KIAA1191: variants seen among roughly 807,000 people sequenced by gnomAD.
KIAA1191 encodes the protein putative monooxygenase p33MONOX.
A neutral mutation model predicts 31.1 loss-of-function variants in KIAA1191; 22 were observed. That is an observed-to-expected ratio of 0.71 (90% CI 0.51 to 1.01). The LOEUF (loss-of-function observed/expected upper bound fraction) is 1.01, where lower values mean the gene tolerates loss of function less well. KIAA1191 is among the 50% of genes least tolerant of loss of function. The pLI is 0.00. For missense variants in KIAA1191, 319 were observed against 388.0 expected (o/e 0.82, Z 1.49); for synonymous variants, 130 against 143.9 (o/e 0.90, Z 0.69).
At chr5:176,359,426 GC>G in intron 3 of KIAA1191, 54 bp downstream of exon 3, 1 of 1,546,638 alleles carries the variant, frequency 6.5e-7, no homozygotes, top group Non-Finnish European at 8.9e-7. Context: ...TTTCTGTCTA[GC>G]TTAAAACATT....
chr5:176,359,610 C>G, intron 2 of KIAA1191, 43 bp from the exon 3 acceptor site: 1 of 910,872 alleles, frequency 1.1e-6, no homozygotes, highest in South Asian at 1.3e-5. Context: ...TGAGCAGCAC[C>G]AATGCTGTTC....
rs1170280546 is a variant in KIAA1191 at position 176,355,142 on chromosome 5, A to G, written c.207+429T>C. 6.6e-6 allele frequency among the ~76,000 whole-genome samples: 1 copy of G among 152,150 alleles called. No homozygotes were observed. The highest frequency in any genetic ancestry group is 1.5e-5 in the Non-Finnish European group (1 of 68,034). ...GAGATGCAGGCAGGACTTAGATCAC[A>G]TGGACTGTGGATCATGCTGAGCTTG... is the stretch of plus-strand genomic sequence containing the variant. On this transcript the variant is annotated intron_variant, in intron 4 of 8. Coordinates refer to ENST00000298569, the MANE Select transcript of KIAA1191 (RefSeq NM_020444.5). The surrounding 1 kb of genome is among the most constrained non-coding windows in gnomAD (Gnocchi z 4.2).
rs1476820359 is a variant in KIAA1191, at chr5:176,347,322, CT to C, written c.*277del. The C allele has an allele frequency of 4.9e-6, 1 of 203,360 alleles. No homozygotes were observed. The highest frequency in any genetic ancestry group is 2.3e-5 in the African/African-American group (1 of 43,440). 12.6% of individuals were successfully genotyped at this position (203,360 alleles called of 1,614,324 possible). The stretch of plus-strand genomic sequence containing the variant: ...GTTCAGGCGATTCTCCTGCCTCAGC[CT>C]CCCAAGTAGCTGGGACTACAGGCGC... On this transcript the variant is annotated 3_prime_UTR_variant, in exon 9 of 9. Transcript: ENST00000298569.
rs552253246 is a variant in KIAA1191 at position 176,355,360 on chromosome 5, C to G, written c.207+211G>C. Reference sequence around the variant, plus strand: ...CAATTCATCCATGCGAACAACACCTCGGGTAACCCTAAAGCTACTGATTTT... The same window carrying G: ...CAATTCATCCATGCGAACAACACCTGGGGTAACCCTAAAGCTACTGATTTT... On this transcript the variant is annotated intron_variant, in intron 4 of 8. Coordinates refer to ENST00000298569, the MANE Select transcript of KIAA1191 (RefSeq NM_020444.5). This position sits in a 1 kb window ranked among gnomAD's most constrained non-coding sequence, Gnocchi z 4.2. Among the ~76,000 whole-genome samples the G allele has an allele frequency of 1.3e-5, 2 of 151,706 alleles. No homozygotes were observed. Among genetic ancestry groups the G allele is most frequent in the Admixed American group, 1.3e-4 (2 of 15,234 alleles).
intron 5 of KIAA1191, 75 bp from the exon 6 acceptor site, chr5:176,350,812 T>C (rs1231121476): frequency 3.9e-6 from 6 of 1,556,722 alleles, no homozygotes; most frequent in African/African-American, 2.7e-5. Flanking sequence ...CATGGATATC[T>C]ACTATTCTCC....
At chr5:176,351,022 C>T (rs1457363114) in intron 5 of KIAA1191, among the ~76,000 whole-genome samples, 2 of 152,130 alleles carry the variant, frequency 1.3e-5, no homozygotes, top group Non-Finnish European at 2.9e-5. Context: ...CTTAGTTGTA[C>T]ATGGTGACAT....
Position 176,347,919 on chromosome 5 carries a change from A to G in KIAA1191, c.709+2T>C. 6.2e-7 allele frequency: 1 copy of G among 1,614,094 alleles called. No individual in the cohort carries two copies. Among genetic ancestry groups the G allele is most frequent in the Non-Finnish European group, 8.5e-7 (1 of 1,180,006 alleles). ...CTCTCTTTTTTGAAGGTGCTGCCTT[A>G]CCAGAATCGTACTTCTGAAGGGATC... On this transcript the variant is annotated splice_donor_variant, in intron 8 of 8. Transcript: ENST00000298569. LOFTEE classifies it high-confidence loss of function.
Position 176,355,770 on chromosome 5 carries a change from C to A in KIAA1191, c.29-21G>T. The A allele has an allele frequency of 6.2e-7, 1 of 1,612,824 alleles. No homozygotes were observed. Among genetic ancestry groups the A allele is most frequent in the South Asian group, 1.1e-5 (1 of 90,970 alleles). ...AAGAGCTAAGAACAGAGACACCTGT[C>A]AAGACAGGTTCAGCAACTGGACATA... On this transcript the variant is annotated intron_variant, in intron 3 of 8. Transcript: ENST00000298569. This position sits in a 1 kb window ranked among gnomAD's most constrained non-coding sequence, Gnocchi z 4.2.
chr5:176,348,772 TCCAAG>T (rs1326269515), intron 6 of KIAA1191, among the ~76,000 whole-genome samples: 1 of 151,986 alleles, frequency 6.6e-6, no homozygotes, highest in African/African-American at 2.4e-5. Context: ...CCTCAGTCTC[TCCAAG>T]CCAATACTCA....
At chr5:176,348,224 T>G (rs763565300) in intron 7 of KIAA1191, 26 bp downstream of exon 7, 1 of 1,609,178 alleles carries the variant, frequency 6.2e-7, no homozygotes, top group South Asian at 1.1e-5. Flanking sequence ...ACGCAGGAAC[T>G]CGGAAGGGTC....
intron 6 of KIAA1191, among the ~76,000 whole-genome samples, chr5:176,349,768 G>C (rs1766830193): frequency 6.6e-6 from 1 of 152,084 alleles, no homozygotes; most frequent in African/African-American, 2.4e-5. Context: ...CCTGCGTCGT[G>C]TGCTCTCCTC....
Position 176,350,594 on chromosome 5 carries a change from A to G in KIAA1191, c.459+19T>C. Reference sequence around the variant, plus strand: ...TGAACACTGAAGGTTTTGTTTTTTCAAAGTTCCTAAGAGCTTACGTGGAGT... The same window carrying G: ...TGAACACTGAAGGTTTTGTTTTTTCGAAGTTCCTAAGAGCTTACGTGGAGT... On this transcript the variant is annotated intron_variant, in intron 6 of 8. Transcript: ENST00000298569. The G allele has an allele frequency of 1.2e-6, 2 of 1,607,410 alleles. No homozygotes were observed. The highest frequency in any genetic ancestry group is 1.7e-6 in the Non-Finnish European group (2 of 1,178,326).
In KIAA1191 at chr5:176,347,556, G is replaced by T. The variant is rs1023692658; in HGVS notation, c.*44C>A. 14 of 1,387,248 alleles carry T rather than the reference G, an allele frequency of 1.0e-5. No homozygotes were observed. Among genetic ancestry groups the T allele is most frequent in the Non-Finnish European group, 1.3e-5 (14 of 1,039,630 alleles). 85.9% of individuals were successfully genotyped at this position (1,387,248 alleles called of 1,614,324 possible). The stretch of plus-strand genomic sequence containing the variant: ...TCAAAGCCAAGGTAAAAGGGGAGTG[G>T]GATGCAAGAAACCACCTTTACCAGA... On this transcript the variant is annotated 3_prime_UTR_variant, in exon 9 of 9. Transcript: ENST00000298569.
rs1767191323 is a variant in KIAA1191, at chr5:176,353,170, G to A, written c.208-422C>T. ...CCTGTGCCAGCCATTAGAACAGACT[G>A]CCGGGCTCCACCTCAGAGTTTGATT... is the stretch of plus-strand genomic sequence containing the variant. On this transcript the variant is annotated intron_variant, in intron 4 of 8. Transcript: ENST00000298569. The A allele has an allele frequency of 1.9e-5, 3 of 154,780 alleles. 1 individual carries two copies. In the South Asian group the frequency reaches 5.9e-4, roughly 31 times the overall value. The allele number at this position is 154,780 out of a possible 1,614,324, so 9.6% of individuals were successfully genotyped here.
intron 8 of KIAA1191, 41 bp from the exon 9 acceptor site, chr5:176,347,849 T>C (rs948041934): frequency 6.2e-7 from 1 of 1,606,442 alleles, no homozygotes; most frequent in East Asian, 2.2e-5. Context: ...TCAAAACCAG[T>C]AAACAGCTCC....
chr5:176,360,319 G>A (rs1202218988), intron 1 of KIAA1191, among the ~76,000 whole-genome samples: 2 of 151,754 alleles, frequency 1.3e-5, no homozygotes, highest in African/African-American at 2.4e-5. Context: ...ACCACGCCTG[G>A]CTAATTTTTT....
chr5:176,355,891 T>C lies in KIAA1191; in HGVS notation c.29-142A>G. The C allele has an allele frequency of 1.3e-6, 1 of 793,272 alleles. No homozygotes were observed. The highest frequency in any genetic ancestry group is 2.1e-6 in the Non-Finnish European group (1 of 479,076). The allele number at this position is 793,272 out of a possible 1,614,324, so 49.1% of individuals were successfully genotyped here. ...GCTTGTTTTGGAGTAGCTAATCCCA[T>C]CCAGGAAAGGCAGTGGTACCAATCC... On this transcript the variant is annotated intron_variant, in intron 3 of 8. Transcript: ENST00000298569. The surrounding 1 kb of genome is among the most constrained non-coding windows in gnomAD (Gnocchi z 4.2).
intron 4 of KIAA1191, chr5:176,353,713 C>G (rs1767245046): frequency 6.6e-6 from 1 of 152,184 alleles, no homozygotes; most frequent in South Asian, 2.1e-4. Context: ...AGCAGCTGTT[C>G]CAAGCCATCA....
rs756381406 is a variant in KIAA1191, at chr5:176,350,674, G to A, written c.398C>T (p.Thr133Ile). The A allele has an allele frequency of 7.6e-5, 122 of 1,614,010 alleles. No homozygotes were observed. The Admixed American group carries it at 2.0e-3, about 26-fold the overall frequency. Residue 133 changes from threonine (T) to isoleucine (I), a missense_variant, in exon 6 of 9, where the codon ACA becomes ATA. Physicochemically the swap from Thr to Ile is moderately conservative, Grantham distance 89 (BLOSUM62 -1). Transcript: ENST00000298569. ...RQAGLRDAGY[T>I]PHKGLTTEET... Reference sequence around the variant, plus strand: ...CTCGGTGGTGAGGCCCTTGTGGGGTGTGTAGCCAGCATCTCTCAGCCCTGC... The same window carrying A: ...CTCGGTGGTGAGGCCCTTGTGGGGTATGTAGCCAGCATCTCTCAGCCCTGC...
Sources: allele counts gnomAD v4.1 joint callset (sites outside exome capture counted in the v4.1 genomes callset), GRCh38; gene constraint gnomAD v4.1.1; non-coding constraint Gnocchi (gnomAD v3.1); transcripts MANE v1.5; gene names NCBI Gene and HGNC (gene_info 2026-07-23, HGNC 2026-07-21).